Variants in DOCK3 observed in about 807,000 individuals in gnomAD.
DOCK3 encodes dedicator of cytokinesis protein 3.
DOCK3 carries 60 observed loss-of-function variants against 265.6 expected under a neutral mutation model. The observed-to-expected ratio is 0.23, with a 90% CI of 0.18 to 0.28. DOCK3 has a LOEUF of 0.28. Among genes scored for constraint, DOCK3 ranks in the 10% least tolerant of loss-of-function variants. The probability of loss-of-function intolerance (pLI) is 1.00; values close to 1 mark genes in which losing one functional copy is unlikely to be tolerated. For synonymous variants in DOCK3, 881 were observed against 938.0 expected, an observed-to-expected ratio of 0.94 and a Z score of 1.11; for missense variants, 1,981 against 2,594.3, an observed-to-expected ratio of 0.76 and a Z score of 5.14.
rs2085367708 is a variant in DOCK3 at position 51,147,690 on chromosome 3, A to G, written c.828+1060A>G. ...TGAAATCATCCTTTTTTATGGCTGAATAGTATTCCATGGTGTATATGTGCC... is the reference window on the plus strand; with the variant it reads ...TGAAATCATCCTTTTTTATGGCTGAGTAGTATTCCATGGTGTATATGTGCC... On this transcript the variant is annotated intron_variant, in intron 10 of 52. Coordinates refer to ENST00000266037, the MANE Select transcript of DOCK3 (RefSeq NM_004947.5). Among the ~76,000 whole-genome samples, 5 of 152,296 alleles carry G rather than the reference A, an allele frequency of 3.3e-5. No homozygotes were observed. In the South Asian group the frequency reaches 1.0e-3, roughly 32 times the overall value.
chr3:51,257,234 A>T (rs1335475746), intron 22 of DOCK3, among the ~76,000 whole-genome samples: 1 of 152,224 alleles, frequency 6.6e-6, no homozygotes, highest in East Asian at 1.9e-4. Flanking sequence ...ATTTCAGCTT[A>T]TAAGTCTCCT....
At chr3:51,239,569 T>G (rs1242218415) in intron 21 of DOCK3, among the ~76,000 whole-genome samples, 1 of 144,370 alleles carries the variant, frequency 6.9e-6, no homozygotes, top group South Asian at 2.3e-4. Flanking sequence ...TTTTTTTGTT[T>G]GTTTGTTTTT....
At chr3:50,691,415 A>G (rs1286383001) in intron 1 of DOCK3, among the ~76,000 whole-genome samples, 1 of 152,090 alleles carries the variant, frequency 6.6e-6, no homozygotes, top group African/African-American at 2.4e-5. Flanking sequence ...TTATGTCTGA[A>G]TGATGTTTCA....
At chr3:51,084,755 GAAGA>G (rs1449030162) in intron 7 of DOCK3, among the ~76,000 whole-genome samples, 1 of 151,986 alleles carries the variant, frequency 6.6e-6, no homozygotes, top group Non-Finnish European at 1.5e-5. Context: ...AAGAAACAAG[GAAGA>G]AAGAAATGAA....
chr3:51,224,551 G>A (rs1021296539), intron 14 of DOCK3, among the ~76,000 whole-genome samples: 2 of 152,160 alleles, frequency 1.3e-5, no homozygotes, highest in Non-Finnish European at 2.9e-5. Flanking sequence ...ATATTTGAAT[G>A]TACTAGTTTT....
In DOCK3 at chr3:51,155,757, C is replaced by T. The variant is rs75433424; in HGVS notation, c.829-3487C>T. Among the ~76,000 whole-genome samples, 1,021 of 152,196 alleles carry T rather than the reference C, an allele frequency of 6.7e-3. 6 individuals carry two copies. Among genetic ancestry groups the T allele is most frequent in the African/African-American group, 0.023 (945 of 41,536 alleles). On this transcript the variant is annotated intron_variant, in intron 10 of 52. Coordinates refer to ENST00000266037, the MANE Select transcript of DOCK3 (RefSeq NM_004947.5). Reference sequence around the variant, plus strand: ...AGAATATGTTTTATACTTACGTGGACGGCCAATACAATGAGGATTTTGCTG... The same window carrying T: ...AGAATATGTTTTATACTTACGTGGATGGCCAATACAATGAGGATTTTGCTG...
chr3:51,356,934 G>A, intron 43 of DOCK3, 28 bp from the exon 44 acceptor site: 2 of 1,591,468 alleles, frequency 1.3e-6, no homozygotes, highest in East Asian at 2.2e-5. Context: ...TCATTTCTGG[G>A]ATGACTCTGT....
At chr3:50,750,221 C>T (rs886731520) in intron 1 of DOCK3, among the ~76,000 whole-genome samples, 1 of 104,248 alleles carries the variant, frequency 9.6e-6, no homozygotes, top group African/African-American at 3.4e-5. Context: ...TCATCCCTGA[C>T]CTGGCCCTGG....
chr3:51,181,133 A>T (rs1249157196), intron 12 of DOCK3, among the ~76,000 whole-genome samples: 3 of 152,196 alleles, frequency 2.0e-5, no homozygotes, highest in Non-Finnish European at 4.4e-5. Context: ...AAGAAGAAAT[A>T]GCTTTAATTT....
At chr3:50,898,953 G>A (rs2049037673) in intron 4 of DOCK3, among the ~76,000 whole-genome samples, 1 of 152,206 alleles carries the variant, frequency 6.6e-6, no homozygotes, top group South Asian at 2.1e-4. Flanking sequence ...TGTATATTCT[G>A]TTGATTTGGG....
At chr3:50,830,297 C>T (rs2045060426) in intron 2 of DOCK3, among the ~76,000 whole-genome samples, 2 of 152,126 alleles carry the variant, frequency 1.3e-5, no homozygotes, top group Admixed American at 6.6e-5. Flanking sequence ...AGTGGGTCCT[C>T]ATGCAAGTCT....
intron 1 of DOCK3, among the ~76,000 whole-genome samples, chr3:50,758,656 C>T (rs557300696): frequency 6.6e-6 from 1 of 152,260 alleles, no homozygotes; most frequent in South Asian, 2.1e-4. Flanking sequence ...ACTCTGTACC[C>T]ATTAAAGACT....
At chr3:50,711,061 C>T (rs534415733) in intron 1 of DOCK3, among the ~76,000 whole-genome samples, 5 of 152,268 alleles carry the variant, frequency 3.3e-5, no homozygotes, top group African/African-American at 1.2e-4. Flanking sequence ...CAGTAAAGAA[C>T]TTACCATATA....
At chr3:51,330,634 G>T (rs2084455181) in intron 33 of DOCK3, among the ~76,000 whole-genome samples, 1 of 152,132 alleles carries the variant, frequency 6.6e-6, no homozygotes, top group African/African-American at 2.4e-5. Context: ...AGTACAATCA[G>T]CTCACATTGC....
At chr3:51,192,413 A>G (rs1247260882) in intron 12 of DOCK3, among the ~76,000 whole-genome samples, 1 of 152,006 alleles carries the variant, frequency 6.6e-6, no homozygotes, top group Admixed American at 6.5e-5. Flanking sequence ...GAAAACTAAC[A>G]GGTCAATATC....
intron 2 of DOCK3, among the ~76,000 whole-genome samples, chr3:50,812,857 A>G (rs931897380): frequency 6.6e-6 from 1 of 152,250 alleles, no homozygotes. Context: ...ACAGGCCCCA[A>G]CTCAGGTATT....
At chr3:50,769,097 A>G (rs1251929392) in intron 1 of DOCK3, among the ~76,000 whole-genome samples, 1 of 147,346 alleles carries the variant, frequency 6.8e-6, no homozygotes, top group African/African-American at 2.5e-5. Flanking sequence ...TTTGCTACCG[A>G]GTTGAGTTCC....
chr3:51,271,695 CA>C (rs1191685188), intron 24 of DOCK3, among the ~76,000 whole-genome samples: 1 of 151,974 alleles, frequency 6.6e-6, no homozygotes, highest in Admixed American at 6.6e-5. Context: ...ACTGAAAATA[CA>C]AAAAATTAGC....
At chr3:51,171,462 A>G (rs1229140559) in intron 12 of DOCK3, among the ~76,000 whole-genome samples, 4 of 152,026 alleles carry the variant, frequency 2.6e-5, no homozygotes, top group Non-Finnish European at 5.9e-5. Context: ...CACACCTGTA[A>G]TCTCAGCACT....
Sources: allele counts gnomAD v4.1 joint callset (sites outside exome capture counted in the v4.1 genomes callset), GRCh38; gene constraint gnomAD v4.1.1; transcripts MANE v1.5; gene names NCBI Gene and HGNC (gene_info 2026-07-23, HGNC 2026-07-21).